KCNIP1: variants seen among roughly 807,000 people sequenced by gnomAD.
The protein encoded by KCNIP1 is potassium voltage-gated channel interacting protein 1, also known as A-type potassium channel modulatory protein KCNIP1.
A neutral mutation model predicts 33.0 loss-of-function variants in KCNIP1; 18 were observed. That is an observed-to-expected ratio of 0.55 (90% CI 0.38 to 0.81). The LOEUF is 0.81. Ranked by LOEUF, KCNIP1 falls within the 30% of genes least tolerant of loss-of-function variation. KCNIP1 has a pLI of 0.00. For synonymous variants in KCNIP1, 93 were observed against 98.3 expected (o/e 0.95, Z 0.32); for missense variants, 238 against 271.6 (o/e 0.88, Z 0.87).
intron 1 of KCNIP1, among the ~76,000 whole-genome samples, chr5:170,405,202 CT>C (rs143434896): frequency 4.0e-5 from 6 of 149,032 alleles, no homozygotes; most frequent in East Asian, 2.0e-4. Flanking sequence ...ATTTTCTTTT[CT>C]TTTTTTTTTG....
chr5:170,697,547 T>C (rs553271194), intron 1 of KCNIP1, among the ~76,000 whole-genome samples: 4 of 152,302 alleles, frequency 2.6e-5, no homozygotes, highest in East Asian at 1.9e-4. Context: ...GTACATGAAA[T>C]TGAGTCCCCC....
chr5:170,528,441 T>C (rs973527874), intron 1 of KCNIP1, among the ~76,000 whole-genome samples: 2 of 152,188 alleles, frequency 1.3e-5, no homozygotes, highest in African/African-American at 4.8e-5. Flanking sequence ...ATCTATAGAA[T>C]GGGCTCTCCT....
intron 1 of KCNIP1, among the ~76,000 whole-genome samples, chr5:170,653,395 TTCATCA>T (rs199786374): frequency 6.6e-6 from 1 of 151,674 alleles, no homozygotes; most frequent in Non-Finnish European, 1.5e-5. Context: ...CTCCTCACTC[TTCATCA>T]TCATCATCAT....
intron 1 of KCNIP1, among the ~76,000 whole-genome samples, chr5:170,386,845 C>T (rs1469565735): frequency 6.6e-6 from 1 of 152,110 alleles, no homozygotes; most frequent in Non-Finnish European, 1.5e-5. Flanking sequence ...TTCCTTCTCT[C>T]CTCTTTCTTT....
intron 1 of KCNIP1, among the ~76,000 whole-genome samples, chr5:170,506,816 T>C (rs1754736988): frequency 6.6e-6 from 1 of 152,194 alleles, no homozygotes; most frequent in Admixed American, 6.5e-5. Context: ...CAAAGCCCAC[T>C]GGCGTGAGTT....
chr5:170,568,187 A>G (rs1006272171), intron 1 of KCNIP1, among the ~76,000 whole-genome samples: 2 of 152,214 alleles, frequency 1.3e-5, no homozygotes, highest in Non-Finnish European at 2.9e-5. Context: ...TTGCTGGAAC[A>G]TAATTCCCTC....
chr5:170,669,495 C>G lies in KCNIP1; in HGVS notation c.62-49263C>G, dbSNP rs1761836401. 3.1e-6 allele frequency: 3 copies of G among 983,026 alleles called. No homozygotes were observed. In the Admixed American group the frequency reaches 1.8e-4, roughly 60 times the overall value. The allele number at this position is 983,026 out of a possible 1,614,324, so 60.9% of individuals were successfully genotyped here. ...TTTAATAAATATTCATTTTCTTTCC[C>G]CAGAACTACCTTAAATTAATTTGTT... On this transcript the variant is annotated intron_variant, in intron 1 of 7. Transcript: ENST00000328939.
At chr5:170,541,313 G>C (rs1756202988) in intron 1 of KCNIP1, among the ~76,000 whole-genome samples, 1 of 152,124 alleles carries the variant, frequency 6.6e-6, no homozygotes, top group Non-Finnish European at 1.5e-5. Flanking sequence ...CTTTTGGACT[G>C]GTCATTTCTC....
intron 1 of KCNIP1, among the ~76,000 whole-genome samples, chr5:170,641,091 C>T (rs1760530555): frequency 6.6e-6 from 1 of 152,100 alleles, no homozygotes; most frequent in Non-Finnish European, 1.5e-5. Context: ...CAGAGGCGGT[C>T]CCCACCTCTC....
At chr5:170,703,714 C>T (rs1763171855) in intron 1 of KCNIP1, among the ~76,000 whole-genome samples, 1 of 138,078 alleles carries the variant, frequency 7.2e-6, no homozygotes, top group East Asian at 6.0e-4. Flanking sequence ...AAGTTACCCG[C>T]TAAATTAGCC....
At chr5:170,499,051 C>T (rs567938264), upstream of KCNIP1, among the ~76,000 whole-genome samples, 2 of 152,210 alleles carry the variant, frequency 1.3e-5, no homozygotes, top group South Asian at 2.1e-4. Context: ...GCAGGAAACT[C>T]GGCCTTTGCT....
At chr5:170,657,862 G>A (rs540685469) in intron 1 of KCNIP1, among the ~76,000 whole-genome samples, 12 of 152,182 alleles carry the variant, frequency 7.9e-5, no homozygotes, top group Non-Finnish European at 1.5e-4. Flanking sequence ...CAGACCTGCT[G>A]CTGGACTCCA....
At chr5:170,649,274 T>A (rs994313520) in intron 1 of KCNIP1, among the ~76,000 whole-genome samples, 1 of 152,158 alleles carries the variant, frequency 6.6e-6, no homozygotes, top group African/African-American at 2.4e-5. Flanking sequence ...AGTGGTTGAA[T>A]GAATAAACTC....
rs1757153007 is a variant in KCNIP1 at position 170,489,041 on chromosome 5, C to T, written c.88+135077C>T. Among the ~76,000 whole-genome samples, 1 of 151,578 alleles carries T rather than the reference C, an allele frequency of 6.6e-6. No individual in the cohort carries two copies. The highest frequency in any genetic ancestry group is 2.1e-4 in the South Asian group (1 of 4,820). On this transcript the variant is annotated intron_variant, in intron 1 of 7. Coordinates refer to the KCNIP1 transcript ENST00000377360. The surrounding 1 kb of genome is among the most constrained non-coding windows in gnomAD (Gnocchi z 4.3). ...ACCCCGAGCCCACTCGGGCTCTGAG[C>T]AGAAGGAAGATTTCATTAGTGTTAG...
intron 1 of KCNIP1, among the ~76,000 whole-genome samples, chr5:170,622,254 G>A (rs946148872): frequency 5.9e-5 from 9 of 152,118 alleles, no homozygotes; most frequent in Admixed American, 1.3e-4. Flanking sequence ...GTTTAATTCA[G>A]TTATGGGTCT....
At chr5:170,572,850 T>C (rs2113492654) in intron 1 of KCNIP1, among the ~76,000 whole-genome samples, 1 of 152,294 alleles carries the variant, frequency 6.6e-6, no homozygotes, top group South Asian at 2.1e-4. Flanking sequence ...ACAACAATCA[T>C]TTAGTGTGAC....
At chr5:170,661,487 C>T (rs4867624) in intron 1 of KCNIP1, among the ~76,000 whole-genome samples, 30,016 of 152,008 alleles carry the variant, frequency 0.2, 3,796 homozygotes, top group African/African-American at 0.36. Context: ...AAGATGCTGC[C>T]ATCCCTGGTT....
At chr5:170,412,820 T>C (rs539566522) in intron 1 of KCNIP1, among the ~76,000 whole-genome samples, 75 of 152,202 alleles carry the variant, frequency 4.9e-4, no homozygotes, top group Non-Finnish European at 8.4e-4. Flanking sequence ...TTTGCTGAAA[T>C]GCCCCCTTCT....
At chr5:170,612,592 C>A (rs1581397402) in intron 1 of KCNIP1, among the ~76,000 whole-genome samples, 1 of 152,108 alleles carries the variant, frequency 6.6e-6, no homozygotes, top group East Asian at 1.9e-4. Flanking sequence ...AGAAGGCCTC[C>A]CCAGAGCTCG....
Sources: allele counts gnomAD v4.1 joint callset (sites outside exome capture counted in the v4.1 genomes callset), GRCh38; gene constraint gnomAD v4.1.1; non-coding constraint Gnocchi (gnomAD v3.1); transcripts MANE v1.5; gene names NCBI Gene and HGNC (gene_info 2026-07-23, HGNC 2026-07-21).